Variants in FGFR2 observed in about 807,000 individuals in gnomAD.
The protein encoded by FGFR2 is BEK fibroblast growth factor receptor.
A neutral mutation model predicts 95.9 loss-of-function variants in FGFR2; 19 were observed. That is an observed-to-expected ratio of 0.20 (90% CI 0.14 to 0.29). The LOEUF (loss-of-function observed/expected upper bound fraction) is 0.29. Among genes scored for constraint, FGFR2 ranks in the 10% least tolerant of loss-of-function variants. The probability of loss-of-function intolerance (pLI) is 1.00; values close to 1 mark genes in which losing one functional copy is unlikely to be tolerated. For missense variants in FGFR2, 707 were observed against 1,056.9 expected (o/e 0.67, Z 4.59); for synonymous variants, 392 against 393.3 (o/e 1.00, Z 0.04).
At chr10:121,563,028 T>C (rs530396117) in intron 4 of FGFR2, among the ~76,000 whole-genome samples, 40 of 152,168 alleles carry the variant, frequency 2.6e-4, no homozygotes, top group African/African-American at 9.4e-4. Context: ...TCACTTGAGG[T>C]CAGGAGTTCA....
chr10:121,557,981 C>T (rs565814233), intron 4 of FGFR2, among the ~76,000 whole-genome samples: 46 of 152,230 alleles, frequency 3.0e-4, no homozygotes, highest in African/African-American at 8.4e-4. Context: ...TCTCATCACT[C>T]GAGAGAAAGA....
chr10:121,563,672 T>C (rs191617225), intron 4 of FGFR2, among the ~76,000 whole-genome samples: 110 of 152,174 alleles, frequency 7.2e-4, no homozygotes, highest in Non-Finnish European at 9.3e-4. Flanking sequence ...CAGAAAATAG[T>C]ATTATTATTA....
Position 121,479,751 on chromosome 10 carries a change from C to G in FGFR2, c.*106G>C, listed in dbSNP as rs1358195728. 6.2e-7 allele frequency: 1 copy of G among 1,612,660 alleles called. No individual in the cohort carries two copies. Among genetic ancestry groups the G allele is most frequent in the Admixed American group, 1.7e-5 (1 of 59,934 alleles). On this transcript the variant is annotated 3_prime_UTR_variant, in exon 18 of 18. Coordinates refer to ENST00000358487, the MANE Select transcript of FGFR2 (RefSeq NM_000141.5). ...TTTTCCAATTATTTACTCCTCTGATCCATATATACAAGTGGAGACAACAAG... is the reference window on the plus strand; with the variant it reads ...TTTTCCAATTATTTACTCCTCTGATGCATATATACAAGTGGAGACAACAAG...
chr10:121,557,642 G>A (rs1205648314), intron 4 of FGFR2, among the ~76,000 whole-genome samples: 2 of 152,094 alleles, frequency 1.3e-5, no homozygotes, highest in Non-Finnish European at 2.9e-5. Flanking sequence ...CATTACAAAG[G>A]GAATTTCTAA....
At position 121,479,468 on chromosome 10, in the gene FGFR2, T is replaced by C. The variant is rs1016431055; in HGVS notation, c.*389A>G. The C allele has an allele frequency of 3.7e-5, 20 of 536,900 alleles. No homozygotes were observed. The Admixed American group carries it at 7.6e-4, about 20-fold the overall frequency. The allele number at this position is 536,900 out of a possible 1,614,324, so 33.3% of individuals were successfully genotyped here. On this transcript the variant is annotated 3_prime_UTR_variant, in exon 18 of 18. Coordinates refer to ENST00000358487, the MANE Select transcript of FGFR2 (RefSeq NM_000141.5). ...TATACATAATTTGAATATATTTACA[T>C]ACATCCAGCACCTATATACTGCATT...
chr10:121,529,570 C>A, intron 6 of FGFR2, among the ~76,000 whole-genome samples: 1 of 152,238 alleles, frequency 6.6e-6, no homozygotes, highest in East Asian at 1.9e-4. Context: ...AGACCACAAT[C>A]TCCCTGATCC....
In FGFR2 at chr10:121,518,535, G is replaced by C; in HGVS notation, c.940-1072C>G. 1.2e-6 allele frequency: 1 copy of C among 851,184 alleles called. No individual in the cohort carries two copies. The highest frequency in any genetic ancestry group is 1.8e-6 in the Non-Finnish European group (1 of 558,310). The allele number at this position is 851,184 out of a possible 1,614,324, so 52.7% of individuals were successfully genotyped here. ...CATGGCTACTGGCATCATACCAGCTGCATCACCGAAGAAAGATTATTATAA... is the reference window on the plus strand; with the variant it reads ...CATGGCTACTGGCATCATACCAGCTCCATCACCGAAGAAAGATTATTATAA... On this transcript the variant is annotated intron_variant, in intron 7 of 17. Coordinates refer to ENST00000358487, the MANE Select transcript of FGFR2 (RefSeq NM_000141.5). This position sits in a 1 kb window ranked among gnomAD's most constrained non-coding sequence, Gnocchi z 4.0.
intron 9 of FGFR2, among the ~76,000 whole-genome samples, chr10:121,508,754 C>T (rs372951115): frequency 3.3e-4 from 51 of 152,264 alleles, no homozygotes; most frequent in African/African-American, 1.0e-3. Flanking sequence ...TATAAGAACA[C>T]GAAACGGGGG....
chr10:121,504,490 C>T (rs189647689), intron 9 of FGFR2, among the ~76,000 whole-genome samples: 2 of 152,174 alleles, frequency 1.3e-5, no homozygotes, highest in Non-Finnish European at 2.9e-5. Flanking sequence ...TCAGTAGCTC[C>T]GAGTCCCTTT....
chr10:121,591,690 G>A (rs1462669413), intron 2 of FGFR2, among the ~76,000 whole-genome samples: 2 of 152,046 alleles, frequency 1.3e-5, no homozygotes, highest in African/African-American at 4.8e-5. Context: ...TCATAATTCT[G>A]GATGCAAATG....
chr10:121,525,037 C>A (rs982844227), intron 6 of FGFR2, among the ~76,000 whole-genome samples: 1 of 152,210 alleles, frequency 6.6e-6, no homozygotes, highest in Admixed American at 6.5e-5. Context: ...AGGCAAGATT[C>A]TCTTCTAGCA....
At chr10:121,595,133 AT>A (rs2135502695) in intron 1 of FGFR2, among the ~76,000 whole-genome samples, 1 of 152,326 alleles carries the variant, frequency 6.6e-6, no homozygotes, top group East Asian at 1.9e-4. Flanking sequence ...AATGAACCAC[AT>A]TTTCTAAGAC....
chr10:121,528,878 T>G (rs985878130), intron 6 of FGFR2, among the ~76,000 whole-genome samples: 2 of 152,190 alleles, frequency 1.3e-5, no homozygotes, highest in African/African-American at 4.8e-5. Flanking sequence ...GAACACTCGG[T>G]GAGAGTCTCA....
rs2134228344 is a variant in FGFR2 at position 121,515,257 on chromosome 10, T to A, written c.1147A>T (p.Ile383Leu). The change falls in exon 9 of 18, where the codon ATA becomes TTA. Residue 383 changes from isoleucine to leucine, a missense_variant. Ile to Leu is a conservative substitution (Grantham distance 5). Coordinates refer to ENST00000358487, the MANE Select transcript of FGFR2 (RefSeq NM_000141.5). ...PDYLEIAIYC[I>L]GVFLIACMVV... ...ATACAGGCGATTAAGAAGACCCCTA[T>A]GCAGTAAATGGCTATCTCCAGGTAG... 1 of 1,614,178 alleles carries A rather than the reference T, an allele frequency of 6.2e-7. No individual in the cohort carries two copies. The highest frequency in any genetic ancestry group is 1.1e-5 in the South Asian group (1 of 91,082).
intron 6 of FGFR2, among the ~76,000 whole-genome samples, chr10:121,522,215 C>T (rs1265040119): frequency 2.0e-5 from 3 of 152,200 alleles, no homozygotes; most frequent in African/African-American, 7.2e-5. Flanking sequence ...ACCTGCTGCA[C>T]AGCATCGTGC....
chr10:121,518,900 C>T lies in FGFR2; in HGVS notation c.939+1079G>A, dbSNP rs552598846. 3.2e-6 allele frequency: 5 copies of T among 1,579,310 alleles called. No homozygotes were observed. In the East Asian group the frequency reaches 6.7e-5, roughly 21 times the overall value. On this transcript the variant is annotated intron_variant, in intron 7 of 17. Coordinates refer to ENST00000358487, the MANE Select transcript of FGFR2 (RefSeq NM_000141.5). This position sits in a 1 kb window ranked among gnomAD's most constrained non-coding sequence, Gnocchi z 4.0. ...CTTAGCATTGTCTATGGTCCCACCA[C>T]CAACACACCGCAAGAAAACAAACTC...
intron 8 of FGFR2, among the ~76,000 whole-genome samples, chr10:121,515,584 T>C (rs2134236592): frequency 6.6e-6 from 1 of 152,210 alleles, no homozygotes; most frequent in South Asian, 2.1e-4. Context: ...GGGCAGGCTA[T>C]GAGGCCACAT....
rs1041970177 is a variant in FGFR2, at chr10:121,565,521, G to T, written c.293C>A (p.Thr98Lys). Residue 98 changes from threonine to lysine, a missense_variant, in exon 3 of 18, where the codon ACG becomes AAG. Physicochemically the swap from Thr to Lys is moderately conservative, Grantham distance 78. Around this residue, in one of 7 missense-constraint regions of FGFR2, gnomAD observed 178 missense variants for 194.1 expected, o/e 0.92. Coordinates refer to ENST00000358487, the MANE Select transcript of FGFR2 (RefSeq NM_000141.5). ...AGCATAGAGGCCGGAGTCTCTAGGC[G>T]TGGCGCCCTTTATCTGCAAGTACTC... ...IGEYLQIKGATPRDSGLYACT... is the reference protein window; with the variant it reads ...IGEYLQIKGAKPRDSGLYACT... The T allele has an allele frequency of 6.2e-7, 1 of 1,614,198 alleles. No individual in the cohort carries two copies. Among genetic ancestry groups the T allele is most frequent in the South Asian group, 1.1e-5 (1 of 91,082 alleles).
intron 2 of FGFR2, among the ~76,000 whole-genome samples, chr10:121,571,309 T>G (rs1201866501): frequency 7.5e-6 from 1 of 134,120 alleles, no homozygotes; most frequent in East Asian, 2.2e-4. Flanking sequence ...TTTTTTTTTT[T>G]TTTTTTTTTG....
Sources: allele counts gnomAD v4.1 joint callset (sites outside exome capture counted in the v4.1 genomes callset), GRCh38; gene constraint gnomAD v4.1.1; regional missense constraint gnomAD v4.1.1; non-coding constraint Gnocchi (gnomAD v3.1); transcripts MANE v1.5; gene names NCBI Gene and HGNC (gene_info 2026-07-23, HGNC 2026-07-21).